The following EVA1C variants were observed in gnomAD, a reference collection of about 807,000 sequenced individuals.
EVA1C encodes eva-1 homolog C.
In EVA1C, 25 loss-of-function variants were observed where a neutral mutation model predicts 45.4. That is an observed-to-expected ratio of 0.55 (90% CI 0.40 to 0.77). The LOEUF is 0.77. EVA1C is among the 30% of genes least tolerant of loss of function. The pLI, the probability that EVA1C is intolerant of heterozygous loss-of-function variation, is 0.00. For missense variants in EVA1C, 479 were observed against 554.8 expected (o/e 0.86, Z 1.37); for synonymous variants, 190 against 221.2 (o/e 0.86, Z 1.25).
intron 4 of EVA1C, among the ~76,000 whole-genome samples, chr21:32,471,538 C>T (rs1451984152): frequency 1.3e-5 from 2 of 151,962 alleles, no homozygotes; most frequent in Admixed American, 6.6e-5. Flanking sequence ...GTTGGTCAGG[C>T]TGGTCTCGAA....
intron 1 of EVA1C, among the ~76,000 whole-genome samples, chr21:32,414,904 C>G: frequency 6.6e-6 from 1 of 152,220 alleles, no homozygotes; most frequent in African/African-American, 2.4e-5. Flanking sequence ...AATATAATGT[C>G]CTCCCAAACC....
chr21:32,486,431 G>A (rs890993033), intron 4 of EVA1C, among the ~76,000 whole-genome samples: 4 of 152,086 alleles, frequency 2.6e-5, no homozygotes, highest in Non-Finnish European at 5.9e-5. Context: ...GGCCCTTACT[G>A]TTGTTCTTGA....
In EVA1C at chr21:32,470,668, T is replaced by C. The variant is rs182547787; in HGVS notation, c.634+2820T>C. Among the ~76,000 whole-genome samples the C allele has an allele frequency of 2.6e-4, 39 of 152,340 alleles. No homozygotes were observed. In the East Asian group the frequency reaches 6.9e-3, roughly 27 times the overall value. ...GCTACTGCCTTAGGGAAAGGGACCA[T>C]TGCTGGGCCACTGTAGCCATCTCCT... On this transcript the variant is annotated intron_variant, in intron 4 of 7. Coordinates refer to ENST00000300255, the MANE Select transcript of EVA1C (RefSeq NM_058187.5).
chr21:32,412,716 T>C lies in EVA1C; in HGVS notation c.-138T>C. ...CTGGCCCGCGCAGGGGAGGAGGCTCTGGCAGCCTGGGCAGGGAGGCGGCGG... is the reference window on the plus strand; with the variant it reads ...CTGGCCCGCGCAGGGGAGGAGGCTCCGGCAGCCTGGGCAGGGAGGCGGCGG... On this transcript the variant is annotated 5_prime_UTR_variant, in exon 1 of 8. Transcript: ENST00000300255. 2 of 903,710 alleles carry C rather than the reference T, an allele frequency of 2.2e-6. No homozygotes were observed. The highest frequency in any genetic ancestry group is 1.5e-6 in the Non-Finnish European group (1 of 665,966). 56.0% of individuals were successfully genotyped at this position (903,710 alleles called of 1,614,324 possible).
At chr21:32,421,543 G>A (rs2034272803) in intron 1 of EVA1C, among the ~76,000 whole-genome samples, 1 of 152,008 alleles carries the variant, frequency 6.6e-6, no homozygotes, top group African/African-American at 2.4e-5. Context: ...ACCTTTACTG[G>A]GAAACCCAAG....
At chr21:32,416,574 C>T (rs1039553183) in intron 1 of EVA1C, among the ~76,000 whole-genome samples, 1 of 152,094 alleles carries the variant, frequency 6.6e-6, no homozygotes, top group African/African-American at 2.4e-5. Context: ...AGTGATCCAC[C>T]CACCTTGGCC....
chr21:32,507,675 T>G (rs2037782868), intron 7 of EVA1C, among the ~76,000 whole-genome samples: 1 of 152,066 alleles, frequency 6.6e-6, no homozygotes. Context: ...CATGCATGTG[T>G]ATCTGTGTGC....
chr21:32,449,352 C>T (rs951961776), intron 1 of EVA1C, among the ~76,000 whole-genome samples: 1 of 152,218 alleles, frequency 6.6e-6, no homozygotes, highest in East Asian at 1.9e-4. Flanking sequence ...CCAAAAAGTC[C>T]TCTGTGTTCC....
Position 32,412,812 on chromosome 21 carries a change from C to A in EVA1C, c.-42C>A. On this transcript the variant is annotated 5_prime_UTR_variant, in exon 1 of 8. Transcript: ENST00000300255. Reference sequence around the variant, plus strand: ...CCGTCCTTAGCCCTGCGACCCCCAGCGCGTCCCGGGCCTGCGCCTCCGCCC... The same window carrying A: ...CCGTCCTTAGCCCTGCGACCCCCAGAGCGTCCCGGGCCTGCGCCTCCGCCC... The A allele has an allele frequency of 1.5e-6, 2 of 1,344,134 alleles. No homozygotes were observed. Among genetic ancestry groups the A allele is most frequent in the Admixed American group, 4.1e-5 (1 of 24,458 alleles). 83.3% of individuals were successfully genotyped at this position (1,344,134 alleles called of 1,614,324 possible).
At position 32,515,245 on chromosome 21, in the gene EVA1C, T is replaced by C; in HGVS notation, c.*55T>C. ...TTTCTGAAGAAGGAAGGATCCCAAA[T>C]GCCCCTCCAGTTCTGGTTCACCTGT... On this transcript the variant is annotated 3_prime_UTR_variant, in exon 8 of 8. Coordinates refer to ENST00000300255, the MANE Select transcript of EVA1C (RefSeq NM_058187.5). 6.6e-7 allele frequency: 1 copy of C among 1,519,514 alleles called. No homozygotes were observed. The highest frequency in any genetic ancestry group is 8.8e-7 in the Non-Finnish European group (1 of 1,130,016). The allele number at this position is 1,519,514 out of a possible 1,614,324, so 94.1% of individuals were successfully genotyped here.
intron 1 of EVA1C, among the ~76,000 whole-genome samples, chr21:32,448,006 C>T (rs1601288383): frequency 6.6e-6 from 1 of 152,274 alleles, no homozygotes; most frequent in Non-Finnish European, 1.5e-5. Context: ...CGCCTGGCCC[C>T]TCCACTCACT....
chr21:32,470,839 A>G (rs1372615762), intron 4 of EVA1C, among the ~76,000 whole-genome samples: 2 of 149,648 alleles, frequency 1.3e-5, no homozygotes, highest in African/African-American at 4.9e-5. Context: ...GCTCACTGCA[A>G]CCTCCGTCTC....
rs796661872 is a variant in EVA1C, at chr21:32,507,759, CGT to C, written c.949+3752_949+3753del. 2.5e-3 allele frequency among the ~76,000 whole-genome samples: 370 copies of C among 145,464 alleles called. 4 individuals carry two copies. The highest frequency in any genetic ancestry group is 8.9e-3 in the African/African-American group (347 of 38,924). On this transcript the variant is annotated intron_variant, in intron 7 of 7. Coordinates refer to ENST00000300255, the MANE Select transcript of EVA1C (RefSeq NM_058187.5). ...GTATCTGCATGTGCATATGTGTTTG[CGT>C]GTGTGTGCATGTATGTGTATCTCTG...
chr21:32,464,885 C>T (rs2036120906), intron 3 of EVA1C, among the ~76,000 whole-genome samples: 1 of 152,132 alleles, frequency 6.6e-6, no homozygotes, highest in African/African-American at 2.4e-5. Flanking sequence ...AAGTTTGGAG[C>T]TTAGCATCAC....
chr21:32,466,074 T>C (rs2036160905), intron 3 of EVA1C, among the ~76,000 whole-genome samples: 1 of 151,504 alleles, frequency 6.6e-6, no homozygotes, highest in Non-Finnish European at 1.5e-5. Flanking sequence ...ATAAGTGGAA[T>C]CATACCTACG....
chr21:32,495,235 T>C (rs1222930736), intron 5 of EVA1C, 65 bp downstream of exon 5: 3 of 1,566,400 alleles, frequency 1.9e-6, no homozygotes, highest in Non-Finnish European at 2.6e-6. Flanking sequence ...GTGGTGACCA[T>C]GTGAACGGCA....
At chr21:32,460,646 T>A (rs2035962804) in intron 3 of EVA1C, among the ~76,000 whole-genome samples, 1 of 152,112 alleles carries the variant, frequency 6.6e-6, no homozygotes, top group African/African-American at 2.4e-5. Flanking sequence ...TCCAGTCCCG[T>A]GGGGCCTGAT....
At chr21:32,415,116 C>T (rs932075147) in intron 1 of EVA1C, among the ~76,000 whole-genome samples, 3 of 152,114 alleles carry the variant, frequency 2.0e-5, no homozygotes, top group Admixed American at 6.5e-5. Context: ...ACGCGAACCC[C>T]ATGTGGCCTC....
intron 7 of EVA1C, among the ~76,000 whole-genome samples, chr21:32,510,193 C>G (rs1282418662): frequency 6.6e-6 from 1 of 151,722 alleles, no homozygotes; most frequent in Non-Finnish European, 1.5e-5. Flanking sequence ...GGACTACAGG[C>G]GCACGCCACC....
Sources: gnomAD v4.1 joint callset for allele counts (sites outside exome capture counted in the v4.1 genomes callset) on GRCh38, gnomAD v4.1.1 for gene constraint, MANE v1.5 for transcripts, NCBI Gene and HGNC (gene_info 2026-07-23, HGNC 2026-07-21) for gene names.